Variants in EXD2 observed in about 807,000 individuals in gnomAD.
The protein encoded by EXD2 is exonuclease 3'-5' domain containing 2.
In EXD2, 40 loss-of-function variants were observed where a neutral mutation model predicts 62.5. The ratio of observed to expected loss-of-function variants is 0.64; its 90% CI spans 0.50 to 0.83. The LOEUF (loss-of-function observed/expected upper bound fraction) is 0.83. Ranked by LOEUF, EXD2 falls within the 40% of genes least tolerant of loss-of-function variation. EXD2 has a pLI of 0.00. For synonymous variants in EXD2, 239 were observed against 291.9 expected, an observed-to-expected ratio of 0.82 and a Z score of 1.85; for missense variants, 671 against 761.8, an observed-to-expected ratio of 0.88 and a Z score of 1.40.
rs959246997 is a variant in EXD2 at position 69,243,849 on chromosome 14, T to C, written c.*2749T>C. 1.3e-5 allele frequency: 2 copies of C among 152,250 alleles called. No individual in the cohort carries two copies. Among genetic ancestry groups the C allele is most frequent in the African/African-American group, 4.8e-5 (2 of 41,464 alleles). 9.4% of individuals were successfully genotyped at this position (152,250 alleles called of 1,614,324 possible). ...GTGTCACAGCAAGGGCCTCTCTGCA[T>C]GCTCCCTGATCATTGTGTTTGCAGG... On this transcript the variant is annotated 3_prime_UTR_variant, in exon 10 of 10. Transcript: ENST00000685843.
intron 5 of EXD2, 118 bp downstream of exon 5, chr14:69,230,716 A>G: frequency 8.4e-7 from 1 of 1,186,016 alleles, no homozygotes; most frequent in Non-Finnish European, 1.2e-6. Flanking sequence ...CTTAAAATAG[A>G]TTCATTCTCT....
At chr14:69,222,087 A>C (rs2043204819) in intron 3 of EXD2, among the ~76,000 whole-genome samples, 1 of 137,290 alleles carries the variant, frequency 7.3e-6, no homozygotes, top group Admixed American at 7.1e-5. Flanking sequence ...ACTCTATCTC[A>C]AAAAAAAAAA....
At chr14:69,231,860 T>G (rs770536137) in intron 5 of EXD2, among the ~76,000 whole-genome samples, 8 of 147,226 alleles carry the variant, frequency 5.4e-5, no homozygotes, top group Non-Finnish European at 1.0e-4. Flanking sequence ...CTTTCTTGCC[T>G]TGGTGGAGTA....
At chr14:69,230,450 T>C in intron 4 of EXD2, 22 bp from the exon 5 acceptor site, 1 of 1,563,214 alleles carries the variant, frequency 6.4e-7, no homozygotes, top group Non-Finnish European at 8.7e-7. Flanking sequence ...TTTTGATGCA[T>C]GGTTTTCTTT....
rs201429450 is a variant in EXD2 at position 69,230,449 on chromosome 14, A to C, written c.591-23A>C. 118 of 1,551,586 alleles carry C rather than the reference A, an allele frequency of 7.6e-5. 1 individual carries two copies. In the East Asian group the frequency reaches 2.6e-3, roughly 34 times the overall value. ...CATGTCCTTTGCCCGTTTTTGATGC[A>C]TGGTTTTCTTTGTTTCTTTTAGAAA... On this transcript the variant is annotated intron_variant, in intron 4 of 9. Coordinates refer to ENST00000685843, the MANE Select transcript of EXD2 (RefSeq NM_001193360.2).
At chr14:69,234,306 C>G (rs1948862738) in intron 5 of EXD2, among the ~76,000 whole-genome samples, 1 of 152,136 alleles carries the variant, frequency 6.6e-6, no homozygotes, top group South Asian at 2.1e-4. Context: ...CAGAGGATGA[C>G]TGCCTCCAAA....
intron 7 of EXD2, 55 bp downstream of exon 7, chr14:69,236,207 A>G (rs572349490): frequency 1.0e-4 from 156 of 1,535,650 alleles, no homozygotes; most frequent in Non-Finnish European, 1.4e-4. Flanking sequence ...GGATGCTGGC[A>G]GGAGTGGGGA....
At chr14:69,230,699 G>C (rs982886443) in intron 5 of EXD2, 101 bp downstream of exon 5, 13 of 1,342,658 alleles carry the variant, frequency 9.7e-6, no homozygotes, top group Middle Eastern at 3.9e-4. Flanking sequence ...GTATTGGATG[G>C]AGATGCCTTA....
chr14:69,220,869 A>G (rs1306899183), intron 3 of EXD2, among the ~76,000 whole-genome samples: 1 of 151,988 alleles, frequency 6.6e-6, no homozygotes, highest in Non-Finnish European at 1.5e-5. Context: ...AACTCTTTCT[A>G]AGTCAATCAA....
chr14:69,201,403 G>A lies in EXD2; in HGVS notation c.-131-2514G>A, dbSNP rs1256322262. Reference sequence around the variant, plus strand: ...GGGGTTTCACCATGCTGACTAGGCCGGTCTCAAACTCCTGATCTCAGGTGA... The same window carrying A: ...GGGGTTTCACCATGCTGACTAGGCCAGTCTCAAACTCCTGATCTCAGGTGA... On this transcript the variant is annotated intron_variant, in intron 1 of 9. Coordinates refer to ENST00000685843, the MANE Select transcript of EXD2 (RefSeq NM_001193360.2). Among the ~76,000 whole-genome samples the A allele has an allele frequency of 1.7e-4, 26 of 151,962 alleles. 1 individual carries two copies. The highest frequency in any genetic ancestry group is 2.0e-4 in the East Asian group (1 of 5,120).
At position 69,241,407 on chromosome 14, in the gene EXD2, C is replaced by T; in HGVS notation, c.*307C>T. On this transcript the variant is annotated 3_prime_UTR_variant, in exon 10 of 10. Transcript: ENST00000685843. ...TGCAGAGGAAAAATGAAGAATTCTC[C>T]CAGAAGTGACTTGTCAAGACTTAAA... is the stretch of plus-strand genomic sequence containing the variant. 1 of 318,326 alleles carries T rather than the reference C, an allele frequency of 3.1e-6. No homozygotes were observed. Among genetic ancestry groups the T allele is most frequent in the Non-Finnish European group, 5.8e-6 (1 of 173,384 alleles). The allele number at this position is 318,326 out of a possible 1,614,324, so 19.7% of individuals were successfully genotyped here.
At chr14:69,213,681 GT>G (rs1185781232) in intron 3 of EXD2, among the ~76,000 whole-genome samples, 10 of 137,154 alleles carry the variant, frequency 7.3e-5, no homozygotes, top group Admixed American at 2.2e-4. Context: ...CTTTTTTTTT[GT>G]TTTTTTTTTG....
rs1193726206 is a variant in EXD2, at chr14:69,243,627, A to AT, written c.*2528dup. On this transcript the variant is annotated 3_prime_UTR_variant, in exon 10 of 10. Coordinates refer to ENST00000685843, the MANE Select transcript of EXD2 (RefSeq NM_001193360.2). ...GATGATGTGATAAAGTTTCTTGTAT[A>AT]TATCTCTTTGGCTCTATCTTTGGTA... 1 of 152,218 alleles carries AT rather than the reference A, an allele frequency of 6.6e-6. No homozygotes were observed. Among genetic ancestry groups the AT allele is most frequent in the Non-Finnish European group, 1.5e-5 (1 of 68,038 alleles). 9.4% of individuals were successfully genotyped at this position (152,218 alleles called of 1,614,324 possible).
In EXD2 at chr14:69,220,253, G is replaced by GTTTTTTGTTTTTTTTTTTT. The variant is rs2043126549; in HGVS notation, c.334-8557_334-8556insGTTTTTTTTTTTTTTTTTT. ...CTCTCAGCAAGTGTTTTGTCTCTCT[G>GTTTTTTGTTTTTTTTTTTT]TTTTTTTTTTTTTTTTTTTTTTTTT... On this transcript the variant is annotated intron_variant, in intron 3 of 9. Coordinates refer to ENST00000685843, the MANE Select transcript of EXD2 (RefSeq NM_001193360.2). 5.1e-4 allele frequency among the ~76,000 whole-genome samples: 18 copies of GTTTTTTGTTTTTTTTTTTT among 35,094 alleles called. 1 individual carries two copies. The highest frequency in any genetic ancestry group is 8.4e-4 in the Non-Finnish European group (17 of 20,216). 23.0% of individuals were successfully genotyped at this position (35,094 alleles called of 152,430 possible). A position where few individuals can be genotyped will look rare whatever the true frequency, so the allele number is the denominator to read the frequency against.
At chr14:69,220,261 T>TTTTTTTTTTTTTTTTTTTTTTTG in intron 3 of EXD2, among the ~76,000 whole-genome samples, 1 of 51,340 alleles carries the variant, frequency 1.9e-5, no homozygotes, top group Non-Finnish European at 3.9e-5. Flanking sequence ...CTGTTTTTTT[T>TTTTTTTTTTTTTTTTTTTTTTTG]TTTTTTTTTT....
intron 5 of EXD2, among the ~76,000 whole-genome samples, chr14:69,231,153 TA>T (rs1046007859): frequency 2.1e-4 from 32 of 152,126 alleles, no homozygotes; most frequent in African/African-American, 4.8e-4. Context: ...ATGTATAATT[TA>T]AAAAAAATAT....
At chr14:69,223,086 A>G (rs1172938211) in intron 3 of EXD2, among the ~76,000 whole-genome samples, 3 of 152,204 alleles carry the variant, frequency 2.0e-5, no homozygotes, top group Non-Finnish European at 2.9e-5. Flanking sequence ...AAATACGTGG[A>G]GACCAAAAAT....
At position 69,204,740 on chromosome 14, in the gene EXD2, G is replaced by T. The variant is rs78268426; in HGVS notation, c.-48+740G>T. 2.1e-3 allele frequency among the ~76,000 whole-genome samples: 322 copies of T among 152,150 alleles called. 3 individuals carry two copies. The highest frequency in any genetic ancestry group is 7.2e-3 in the African/African-American group (299 of 41,500). On this transcript the variant is annotated intron_variant, in intron 2 of 9. Coordinates refer to ENST00000685843, the MANE Select transcript of EXD2 (RefSeq NM_001193360.2). ...CATACTACCTCTTTATAACATCAAG[G>T]CTCGATAAGGTTAAAAAACTTTTTT...
chr14:69,210,366 A>G (rs1387748947), intron 3 of EXD2, among the ~76,000 whole-genome samples: 1 of 152,210 alleles, frequency 6.6e-6, no homozygotes, highest in African/African-American at 2.4e-5. Context: ...TAAGCCATGT[A>G]CTATATGTTT....
Sources: gnomAD v4.1 joint callset for allele counts (sites outside exome capture counted in the v4.1 genomes callset) on GRCh38, gnomAD v4.1.1 for gene constraint, MANE v1.5 for transcripts, NCBI Gene and HGNC (gene_info 2026-07-23, HGNC 2026-07-21) for gene names.